Variants in ZNF804B observed in about 807,000 individuals in gnomAD.
ZNF804B encodes zinc finger protein 804B, also known as zinc finger 804B.
ZNF804B carries 80 observed loss-of-function variants against 101.4 expected under a neutral mutation model. That is an observed-to-expected ratio of 0.79 (90% CI 0.66 to 0.95). The LOEUF (loss-of-function observed/expected upper bound fraction) is 0.95, where lower values mean the gene tolerates loss of function less well. Among genes scored for constraint, ZNF804B ranks in the 40% least tolerant of loss-of-function variants. ZNF804B has a pLI of 0.00. For synonymous variants in ZNF804B, 622 were observed against 558.8 expected (o/e 1.11, Z -1.59); for missense variants, 1,673 against 1,561.9 (o/e 1.07, Z -1.20).
chr7:89,318,645 C>T (rs777487454), intron 2 of ZNF804B, among the ~76,000 whole-genome samples: 18 of 152,142 alleles, frequency 1.2e-4, no homozygotes, highest in Non-Finnish European at 2.6e-4. Context: ...CACCTGTAAT[C>T]CCAGCTACCT....
chr7:89,332,454 G>GAA (rs1004319726), intron 3 of ZNF804B, among the ~76,000 whole-genome samples: 4 of 126,110 alleles, frequency 3.2e-5, no homozygotes, highest in African/African-American at 1.6e-4. Context: ...TATGGAACAA[G>GAA]AAAAAGAATG....
chr7:88,775,033 A>G (rs571003482), intron 1 of ZNF804B, among the ~76,000 whole-genome samples: 1 of 152,202 alleles, frequency 6.6e-6, no homozygotes, highest in Non-Finnish European at 1.5e-5. Context: ...GTGATAGTGA[A>G]GTCAACACAA....
chr7:89,274,021 C>G (rs533664390), intron 2 of ZNF804B, among the ~76,000 whole-genome samples: 124 of 152,046 alleles, frequency 8.2e-4, no homozygotes, highest in African/African-American at 3.0e-3. Context: ...AAAGAGTAGA[C>G]ATACTAAAAA....
intron 1 of ZNF804B, among the ~76,000 whole-genome samples, chr7:88,927,107 A>G (rs1792816134): frequency 6.6e-6 from 1 of 152,134 alleles, no homozygotes; most frequent in Non-Finnish European, 1.5e-5. Flanking sequence ...TGATTATGAA[A>G]GCAGTGCCAA....
chr7:89,307,058 C>A (rs1440883858), intron 2 of ZNF804B, among the ~76,000 whole-genome samples: 2 of 151,972 alleles, frequency 1.3e-5, no homozygotes, highest in African/African-American at 4.8e-5. Context: ...TCTTCATACA[C>A]TCAATGATAC....
chr7:88,930,897 A>AT (rs996632681), intron 1 of ZNF804B, among the ~76,000 whole-genome samples: 34 of 151,920 alleles, frequency 2.2e-4, no homozygotes, highest in Admixed American at 7.9e-4. Flanking sequence ...CTATCAAATG[A>AT]TTTTTTCCCC....
At chr7:89,080,554 A>G (rs768104194) in intron 1 of ZNF804B, among the ~76,000 whole-genome samples, 49 of 151,966 alleles carry the variant, frequency 3.2e-4, no homozygotes, top group Admixed American at 1.8e-3. Flanking sequence ...TTGATTAGTA[A>G]AGGTTATGAT....
intron 2 of ZNF804B, among the ~76,000 whole-genome samples, chr7:89,286,611 G>A (rs1474192584): frequency 6.6e-6 from 1 of 152,150 alleles, no homozygotes. Flanking sequence ...CCAATGAGAG[G>A]AGTTAACAGA....
At chr7:89,017,154 T>C (rs1562861132) in intron 1 of ZNF804B, among the ~76,000 whole-genome samples, 1 of 152,346 alleles carries the variant, frequency 6.6e-6, no homozygotes, top group East Asian at 1.9e-4. Flanking sequence ...TATTGGTGTA[T>C]AAGAATGCTT....
chr7:88,918,775 AG>A (rs1372597570), intron 1 of ZNF804B, among the ~76,000 whole-genome samples: 1 of 152,018 alleles, frequency 6.6e-6, no homozygotes, highest in Non-Finnish European at 1.5e-5. Context: ...TTGGGGGGTG[AG>A]GGGGACGATA....
intron 1 of ZNF804B, among the ~76,000 whole-genome samples, chr7:89,165,714 T>G (rs1489108638): frequency 2.0e-5 from 3 of 152,100 alleles, no homozygotes; most frequent in Non-Finnish European, 4.4e-5. Context: ...AGTGTGATTA[T>G]GAAGTACTGT....
intron 1 of ZNF804B, among the ~76,000 whole-genome samples, chr7:89,103,064 T>TGTTTG (rs1562885462): frequency 7.4e-6 from 1 of 135,084 alleles, no homozygotes; most frequent in African/African-American, 3.0e-5. Flanking sequence ...TTTTTTTTTT[T>TGTTTG]TTTTTTTTTT....
At chr7:89,259,841 A>G (rs62470333) in intron 2 of ZNF804B, among the ~76,000 whole-genome samples, 18,585 of 152,104 alleles carry the variant, frequency 0.12, 1,228 homozygotes, top group Middle Eastern at 0.26. Context: ...TTAGCCAGGC[A>G]TGGTGGCAGA....
At chr7:89,068,967 C>T (rs1397967631) in intron 1 of ZNF804B, among the ~76,000 whole-genome samples, 1 of 152,184 alleles carries the variant, frequency 6.6e-6, no homozygotes, top group Non-Finnish European at 1.5e-5. Context: ...AAATATCTGA[C>T]TTCAGTTCCT....
chr7:89,111,594 G>A (rs1790219566), intron 1 of ZNF804B, among the ~76,000 whole-genome samples: 1 of 152,054 alleles, frequency 6.6e-6, no homozygotes, highest in Non-Finnish European at 1.5e-5. Flanking sequence ...TTTAAGAATT[G>A]TTTGTATGGC....
At chr7:88,761,842 T>C (rs1789902294) in intron 1 of ZNF804B, among the ~76,000 whole-genome samples, 1 of 152,210 alleles carries the variant, frequency 6.6e-6, no homozygotes, top group South Asian at 2.1e-4. Context: ...TCTGTAGGGC[T>C]TGCAGAAGAA....
chr7:89,088,493 G>A (rs1207487218), intron 1 of ZNF804B, among the ~76,000 whole-genome samples: 1 of 151,494 alleles, frequency 6.6e-6, no homozygotes, highest in Non-Finnish European at 1.5e-5. Flanking sequence ...GCAAAGCAAT[G>A]TATTGTGAGT....
intron 1 of ZNF804B, among the ~76,000 whole-genome samples, chr7:89,059,687 A>G (rs1789347596): frequency 6.6e-6 from 1 of 152,162 alleles, no homozygotes; most frequent in South Asian, 2.1e-4. Flanking sequence ...AATATAGTTT[A>G]AAGACATATG....
chr7:88,996,889 G>A (rs1788208916), intron 1 of ZNF804B, among the ~76,000 whole-genome samples: 2 of 152,022 alleles, frequency 1.3e-5, no homozygotes, highest in African/African-American at 4.8e-5. Context: ...AGGACATTTA[G>A]GTTGGAAGAT....
Sources: gnomAD v4.1 joint callset for allele counts (sites outside exome capture counted in the v4.1 genomes callset) on GRCh38, gnomAD v4.1.1 for gene constraint, MANE v1.5 for transcripts, NCBI Gene and HGNC (gene_info 2026-07-23, HGNC 2026-07-21) for gene names.